CD99L2: variants seen among roughly 807,000 people sequenced by gnomAD.
CD99L2 encodes the protein CD99 antigen-like protein 2.
CD99L2 carries 24 observed loss-of-function variants against 27.3 expected under a neutral mutation model. The ratio of observed to expected loss-of-function variants is 0.88; its 90% CI spans 0.64 to 1.24. CD99L2 has a LOEUF of 1.24. Ranked by LOEUF, CD99L2 falls within the 50% of genes most tolerant of loss-of-function variation. The probability of loss-of-function intolerance (pLI) is 0.00; values close to 1 mark genes in which losing one functional copy is unlikely to be tolerated. For synonymous variants in CD99L2, 97 were observed against 87.9 expected, an observed-to-expected ratio of 1.10 and a Z score of -0.58; for missense variants, 255 against 221.6, an observed-to-expected ratio of 1.15 and a Z score of -0.96.
chrX:150,897,708 CAT>C (rs782407151), intron 1 of CD99L2, among the ~76,000 whole-genome samples: 1 of 111,972 alleles, frequency 8.9e-6, no homozygotes, highest in East Asian at 2.8e-4. Flanking sequence ...TCTGTTGGTA[CAT>C]GTTTAAGACC....
intron 2 of CD99L2, among the ~76,000 whole-genome samples, chrX:150,830,750 A>G (rs2046430915): frequency 8.9e-6 from 1 of 111,744 alleles, no homozygotes; most frequent in Non-Finnish European, 1.9e-5. Flanking sequence ...AGGTATTCTT[A>G]ACAAAGGATT....
intron 2 of CD99L2, 90 bp downstream of exon 2, chrX:150,831,141 T>C (rs1237140650): frequency 1.3e-6 from 1 of 744,241 alleles, no homozygotes; most frequent in East Asian, 3.3e-5. Flanking sequence ...AAGTAAAATA[T>C]ATCATTTTTC....
intron 1 of CD99L2, among the ~76,000 whole-genome samples, chrX:150,878,986 C>T (rs1219069060): frequency 1.8e-5 from 2 of 112,072 alleles, no homozygotes; most frequent in Non-Finnish European, 3.8e-5. Context: ...AATTTAAGGA[C>T]TTTCTTATAT....
At chrX:150,874,329 A>C (rs1162844702) in intron 1 of CD99L2, among the ~76,000 whole-genome samples, 2 of 111,918 alleles carry the variant, frequency 1.8e-5, no homozygotes, top group African/African-American at 6.5e-5. Context: ...GTCAGGTCTT[A>C]GTGGTTTAGT....
In CD99L2 at chrX:150,848,555, TTA is replaced by T. The variant is rs1491257966; in HGVS notation, c.68-17264_68-17263del. ...ATTATGTGGGTTCTTTTTCCACAAT[TTA>T]AAAAAAAAAAAAAAAACAGCAAGTG... On this transcript the variant is annotated intron_variant, in intron 1 of 10. Coordinates refer to ENST00000370377, the MANE Select transcript of CD99L2 (RefSeq NM_031462.4). Among the ~76,000 whole-genome samples the T allele has an allele frequency of 2.9e-4, 11 of 37,608 alleles. 1 individual carries two copies. The highest frequency in any genetic ancestry group is 3.5e-4 in the Admixed American group (1 of 2,829). The allele number at this position is 37,608 out of a possible 115,157, so 32.7% of individuals were successfully genotyped here.
chrX:150,769,330 C>T (rs1326289875), intron 10 of CD99L2, among the ~76,000 whole-genome samples: 1 of 112,029 alleles, frequency 8.9e-6, no homozygotes, highest in Non-Finnish European at 1.9e-5. Flanking sequence ...ATCTCCTCAC[C>T]TAAAAAATGA....
chrX:150,833,122 G>T (rs1315859040), intron 1 of CD99L2, among the ~76,000 whole-genome samples: 2 of 108,602 alleles, frequency 1.8e-5, no homozygotes, highest in African/African-American at 6.7e-5. Flanking sequence ...TAAAGTAGCA[G>T]GTTACAAAAT....
intron 4 of CD99L2, among the ~76,000 whole-genome samples, chrX:150,808,197 T>C (rs112859773): frequency 8.9e-6 from 1 of 112,738 alleles, no homozygotes; most frequent in Non-Finnish European, 1.9e-5. Flanking sequence ...TACACTGATA[T>C]CGAAAACATC....
chrX:150,877,074 A>G (rs782170271), intron 1 of CD99L2, among the ~76,000 whole-genome samples: 3 of 107,062 alleles, frequency 2.8e-5, no homozygotes, highest in Non-Finnish European at 3.9e-5. Flanking sequence ...CTTGAGCCCA[A>G]GTGATCGAAA....
At chrX:150,797,350 A>G (rs1196155412) in intron 4 of CD99L2, among the ~76,000 whole-genome samples, 3 of 112,496 alleles carry the variant, frequency 2.7e-5, no homozygotes, top group Non-Finnish European at 5.6e-5. Flanking sequence ...AAGAATAATA[A>G]TGGAATAATA....
At chrX:150,783,154 G>T (rs2045540318) in intron 7 of CD99L2, among the ~76,000 whole-genome samples, 2 of 100,638 alleles carry the variant, frequency 2.0e-5, no homozygotes, top group African/African-American at 7.3e-5. Flanking sequence ...GGGGGTAGGG[G>T]GGTAGGGGGC....
At chrX:150,833,265 G>A (rs781870371) in intron 1 of CD99L2, among the ~76,000 whole-genome samples, 57 of 110,965 alleles carry the variant, frequency 5.1e-4, no homozygotes, top group East Asian at 8.4e-4. Context: ...TAAAAGACCC[G>A]TACCTCCTAA....
chrX:150,832,509 C>T (rs781844591), intron 1 of CD99L2, among the ~76,000 whole-genome samples: 59 of 111,430 alleles, frequency 5.3e-4, no homozygotes, highest in Non-Finnish European at 1.0e-3. Context: ...CCTGTAATCC[C>T]AGCTATTCAT....
At chrX:150,855,016 C>T (rs981801363) in intron 1 of CD99L2, among the ~76,000 whole-genome samples, 12 of 111,009 alleles carry the variant, frequency 1.1e-4, no homozygotes, top group Non-Finnish European at 1.9e-4. Context: ...GGAACCTGAG[C>T]AATCGTGAGG....
At chrX:150,808,981 A>G (rs2046035839) in intron 4 of CD99L2, among the ~76,000 whole-genome samples, 1 of 111,281 alleles carries the variant, frequency 9.0e-6, no homozygotes, top group African/African-American at 3.3e-5. Context: ...AGAGTCAGAG[A>G]GAGATTTGAA....
chrX:150,777,153 C>T, intron 8 of CD99L2: 3 of 368,082 alleles, frequency 8.2e-6, no homozygotes, highest in Non-Finnish European at 1.4e-5. Context: ...GGACGGCTCT[C>T]TCTCCCTCTG....
intron 2 of CD99L2, 127 bp downstream of exon 2, chrX:150,831,104 C>T (rs1209236023): frequency 3.3e-5 from 19 of 569,319 alleles, no homozygotes; most frequent in South Asian, 1.4e-4. Context: ...CTACCGTGTC[C>T]GGGCACTATC....
chrX:150,881,392 C>T lies in CD99L2; in HGVS notation c.67+17130G>A, dbSNP rs1181029667. On this transcript the variant is annotated intron_variant, in intron 1 of 10. Transcript: ENST00000370377. ...CCACCTGGCACAGTCCCAGCTAGGT[C>T]ATCGCAGAGATTGTAGCCAGAGCCA... Among the ~76,000 whole-genome samples, 9 of 111,956 alleles carry T rather than the reference C, an allele frequency of 8.0e-5. No homozygotes were observed. In the East Asian group the frequency reaches 2.5e-3, roughly 31 times the overall value.
intron 1 of CD99L2, among the ~76,000 whole-genome samples, chrX:150,877,142 G>C (rs868930441): frequency 9.7e-6 from 1 of 103,347 alleles, no homozygotes; most frequent in Non-Finnish European, 2.0e-5. Context: ...AAAAAAGAAA[G>C]AAAGAAACAA....
Sources: allele counts gnomAD v4.1 joint callset (sites outside exome capture counted in the v4.1 genomes callset), GRCh38; gene constraint gnomAD v4.1.1; transcripts MANE v1.5; gene names NCBI Gene and HGNC (gene_info 2026-07-23, HGNC 2026-07-21).